Variants in PTK2 observed in about 807,000 individuals in gnomAD.
The protein encoded by PTK2 is protein tyrosine kinase 2, also known as focal adhesion kinase 1.
PTK2 carries 45 observed loss-of-function variants against 150.1 expected under a neutral mutation model. The observed-to-expected ratio is 0.30, with a 90% confidence interval of 0.24 to 0.38. PTK2 has a LOEUF of 0.38. PTK2 is among the 10% of genes least tolerant of loss of function. The pLI is 1.00. For synonymous variants in PTK2, 432 were observed against 449.2 expected (o/e 0.96, Z 0.48); for missense variants, 919 against 1,307.3 (o/e 0.70, Z 4.58).
chr8:140,803,417 T>C, intron 11 of PTK2, 126 bp downstream of exon 11: 1 of 736,624 alleles, frequency 1.4e-6, no homozygotes, highest in South Asian at 1.6e-5. Flanking sequence ...TAACCCTTTC[T>C]ATATATAAGA....
chr8:140,813,522 C>T lies in PTK2; in HGVS notation c.867+4755G>A, dbSNP rs538497873. Among the ~76,000 whole-genome samples the T allele has an allele frequency of 8.6e-4, 128 of 148,774 alleles. 1 individual carries two copies. In the Middle Eastern group the frequency reaches 0.021, roughly 25 times the overall value. ...CAAAACCACACAATTACATGGAAATCGAATAAACTGCTCCCAAATGACTTT... is the reference window on the plus strand; with the variant it reads ...CAAAACCACACAATTACATGGAAATTGAATAAACTGCTCCCAAATGACTTT... On this transcript the variant is annotated intron_variant, in intron 10 of 31. Coordinates refer to ENST00000522684, the Ensembl canonical transcript of PTK2.
intron 1 of PTK2, among the ~76,000 whole-genome samples, chr8:140,987,146 C>A (rs1011089308): frequency 2.0e-5 from 3 of 152,046 alleles, no homozygotes; most frequent in Non-Finnish European, 4.4e-5. Flanking sequence ...ATATAGAGAA[C>A]TCTCAAAACC....
intron 1 of PTK2, among the ~76,000 whole-genome samples, chr8:140,967,336 T>C (rs542863530): frequency 1.3e-5 from 2 of 152,308 alleles, no homozygotes; most frequent in East Asian, 1.9e-4. Context: ...ATATGACATA[T>C]TGACAAATTA....
chr8:140,712,392 T>G (rs1314388429), intron 23 of PTK2, among the ~76,000 whole-genome samples: 1 of 152,186 alleles, frequency 6.6e-6, no homozygotes, highest in Admixed American at 6.5e-5. Context: ...CTCATACAGC[T>G]GTACAACTGG....
intron 10 of PTK2, among the ~76,000 whole-genome samples, chr8:140,814,586 G>T (rs1300735120): frequency 6.6e-6 from 1 of 151,996 alleles, no homozygotes; most frequent in African/African-American, 2.4e-5. Context: ...ATGCAGAAAA[G>T]GCTTTCAATA....
At chr8:140,956,888 CCT>C (rs2100181387) in intron 1 of PTK2, among the ~76,000 whole-genome samples, 1 of 151,892 alleles carries the variant, frequency 6.6e-6, no homozygotes, top group Non-Finnish European at 1.5e-5. Flanking sequence ...ATGGAGAAAC[CCT>C]GTCTCTACTA....
intron 10 of PTK2, among the ~76,000 whole-genome samples, chr8:140,812,891 TAGAG>T (rs2100102436): frequency 6.6e-6 from 1 of 152,182 alleles, no homozygotes; most frequent in South Asian, 2.1e-4. Flanking sequence ...GCCAGATTCT[TAGAG>T]ACCTTCAAAG....
At position 140,825,718 on chromosome 8, in the gene PTK2, G is replaced by C. The variant is rs892949222; in HGVS notation, c.648+4754C>G. On this transcript the variant is annotated intron_variant, in intron 8 of 31. Transcript: ENST00000522684. ...TCCACTAATGTCCTTTCACTGCTCC[G>C]GATTCCACACTGCATTTACACATCT... Among the ~76,000 whole-genome samples the C allele has an allele frequency of 5.9e-5, 9 of 152,198 alleles. No homozygotes were observed. In the South Asian group the frequency reaches 1.9e-3, roughly 32 times the overall value.
chr8:140,825,628 C>T (rs2100111355), intron 8 of PTK2, among the ~76,000 whole-genome samples: 1 of 152,148 alleles, frequency 6.6e-6, no homozygotes, highest in Non-Finnish European at 1.5e-5. Context: ...TGGGGAGCAC[C>T]CTTGGTACCC....
At chr8:140,704,201 A>G (rs1480258804) in intron 24 of PTK2, among the ~76,000 whole-genome samples, 1 of 152,244 alleles carries the variant, frequency 6.6e-6, no homozygotes, top group Non-Finnish European at 1.5e-5. Context: ...GCAGTTTTCT[A>G]CATAATAGTA....
chr8:140,855,986 C>T (rs983565677), intron 5 of PTK2, among the ~76,000 whole-genome samples: 6 of 151,870 alleles, frequency 4.0e-5, no homozygotes, highest in Non-Finnish European at 7.4e-5. Context: ...AAAAAGCGTA[C>T]GATTTTACAA....
At chr8:140,783,960 C>T (rs146238105) in intron 14 of PTK2, among the ~76,000 whole-genome samples, 1,986 of 152,202 alleles carry the variant, frequency 0.013, 109 homozygotes, top group Admixed American at 0.093. Flanking sequence ...GTCAAGACTT[C>T]GAGATCAGCC....
chr8:140,793,174 A>C (rs528637307), intron 13 of PTK2, among the ~76,000 whole-genome samples, 180 bp downstream of exon 13: 1 of 152,322 alleles, frequency 6.6e-6, no homozygotes, highest in Non-Finnish European at 1.5e-5. Flanking sequence ...AAACCTTTTG[A>C]TTAAGCCTAA....
At chr8:140,698,948 T>TC (rs1491175436) in intron 26 of PTK2, among the ~76,000 whole-genome samples, 1 of 143,570 alleles carries the variant, frequency 7.0e-6, no homozygotes, top group East Asian at 2.0e-4. Context: ...TTTTTTTTTT[T>TC]AGTAGAGACG....
chr8:140,996,287 T>C (rs1195839343), intron 1 of PTK2, among the ~76,000 whole-genome samples: 5 of 152,162 alleles, frequency 3.3e-5, no homozygotes. Context: ...CAGAGGTTGG[T>C]TCGTGAGGTG....
chr8:140,939,884 CT>C (rs2100175052), intron 1 of PTK2, among the ~76,000 whole-genome samples: 1 of 152,102 alleles, frequency 6.6e-6, no homozygotes, highest in Non-Finnish European at 1.5e-5. Context: ...GACTGAGTTA[CT>C]AAAATTTACA....
intron 18 of PTK2, 144 bp from the exon 22 acceptor site, chr8:140,744,911 T>C (rs1406816881): frequency 1.4e-5 from 6 of 429,176 alleles, no homozygotes; most frequent in Middle Eastern, 6.2e-4. Context: ...AAGTCTCTTC[T>C]AATAAAGCAT....
intron 1 of PTK2, among the ~76,000 whole-genome samples, chr8:140,986,811 C>T (rs1349148211): frequency 6.6e-6 from 1 of 152,214 alleles, no homozygotes; most frequent in Non-Finnish European, 1.5e-5. Context: ...GGAAGCGACC[C>T]TCATTCCAGG....
Position 140,705,652 on chromosome 8 carries a change from T to C in PTK2, c.2229+467A>G, listed in dbSNP as rs2100033321. 2.0e-5 allele frequency among the ~76,000 whole-genome samples: 3 copies of C among 152,252 alleles called. No individual in the cohort carries two copies. In the South Asian group the frequency reaches 6.2e-4, roughly 32 times the overall value. ...AAAAACAAATGAATTGTTTACTTTG[T>C]GTCAAGTCCTTTTCTTTGAAGGATA... On this transcript the variant is annotated intron_variant, in intron 24 of 31. Coordinates refer to ENST00000522684, the Ensembl canonical transcript of PTK2.
Sources: allele counts gnomAD v4.1 joint callset (sites outside exome capture counted in the v4.1 genomes callset), GRCh38; gene constraint gnomAD v4.1.1; transcripts MANE v1.5; gene names NCBI Gene and HGNC (gene_info 2026-07-23, HGNC 2026-07-21).